The following MACROD2 variants were observed in gnomAD, a reference collection of about 807,000 sequenced individuals.
The protein encoded by MACROD2 is mono-ADP ribosylhydrolase 2.
MACROD2 carries 36 observed loss-of-function variants against 70.4 expected under a neutral mutation model. The ratio of observed to expected loss-of-function variants is 0.51; its 90% CI spans 0.39 to 0.68. The LOEUF (loss-of-function observed/expected upper bound fraction) is 0.68. Among genes scored for constraint, MACROD2 ranks in the 30% least tolerant of loss-of-function variants. MACROD2 has a pLI of 0.00. For missense variants in MACROD2, 496 were observed against 538.4 expected, an observed-to-expected ratio of 0.92 and a Z score of 0.78; for synonymous variants, 172 against 178.8, an observed-to-expected ratio of 0.96 and a Z score of 0.30.
chr20:14,842,742 G>C (rs1029845073), intron 5 of MACROD2, among the ~76,000 whole-genome samples: 1 of 151,930 alleles, frequency 6.6e-6, no homozygotes, highest in Non-Finnish European at 1.5e-5. Context: ...GTTTGGTTTT[G>C]GATTAATGTT....
intron 3 of MACROD2, among the ~76,000 whole-genome samples, chr20:14,316,933 C>A (rs6105246): frequency 6.6e-6 from 1 of 151,880 alleles, no homozygotes; most frequent in Non-Finnish European, 1.5e-5. Context: ...CTCTCCACCC[C>A]CTATCTTCCC....
intron 6 of MACROD2, among the ~76,000 whole-genome samples, chr20:15,384,558 A>G (rs2045686656): frequency 6.6e-6 from 1 of 152,114 alleles, no homozygotes; most frequent in African/African-American, 2.4e-5. Context: ...TATCGTGCAA[A>G]CCTTTACATA....
chr20:16,017,870 A>G (rs1342579684), intron 15 of MACROD2, among the ~76,000 whole-genome samples: 2 of 152,190 alleles, frequency 1.3e-5, no homozygotes, highest in Non-Finnish European at 2.9e-5. Context: ...GCATGCCCCC[A>G]TGACAGCACC....
chr20:15,851,317 A>G (rs1393234948), intron 8 of MACROD2, among the ~76,000 whole-genome samples: 1 of 151,906 alleles, frequency 6.6e-6, no homozygotes, highest in Non-Finnish European at 1.5e-5. Flanking sequence ...TCAGGCTGCC[A>G]TCATAAAGTA....
At chr20:14,465,446 G>A (rs1033253413) in intron 3 of MACROD2, among the ~76,000 whole-genome samples, 7 of 151,992 alleles carry the variant, frequency 4.6e-5, no homozygotes, top group African/African-American at 1.7e-4. Context: ...CATGAGATGG[G>A]TTTCCTGAAT....
At chr20:15,677,755 A>G (rs1454151017) in intron 8 of MACROD2, among the ~76,000 whole-genome samples, 3 of 152,026 alleles carry the variant, frequency 2.0e-5, no homozygotes, top group Non-Finnish European at 4.4e-5. Flanking sequence ...AAACTTTGAG[A>G]TTTTCGTTTT....
intron 5 of MACROD2, among the ~76,000 whole-genome samples, chr20:14,977,953 T>C (rs2074757258): frequency 6.6e-6 from 1 of 152,218 alleles, no homozygotes. Context: ...TCCTTTGTTT[T>C]ATTTGGAACA....
chr20:14,328,619 T>C (rs2122591199), intron 3 of MACROD2, among the ~76,000 whole-genome samples: 1 of 152,230 alleles, frequency 6.6e-6, no homozygotes, highest in Admixed American at 6.5e-5. Flanking sequence ...GGGGTGAATA[T>C]CCAATGCACA....
chr20:14,237,789 C>T (rs553174710), intron 3 of MACROD2, among the ~76,000 whole-genome samples: 9 of 147,494 alleles, frequency 6.1e-5, no homozygotes, highest in South Asian at 2.2e-4. Flanking sequence ...TGAGAACGTG[C>T]GGTGTTTGGT....
At chr20:15,197,738 C>T (rs960331677) in intron 5 of MACROD2, among the ~76,000 whole-genome samples, 1 of 152,038 alleles carries the variant, frequency 6.6e-6, no homozygotes, top group Admixed American at 6.6e-5. Flanking sequence ...TCTCTATTGC[C>T]CAGGCTGGAG....
chr20:14,058,117 G>C (rs1050521424), intron 2 of MACROD2, among the ~76,000 whole-genome samples: 6 of 152,050 alleles, frequency 3.9e-5, no homozygotes, highest in African/African-American at 1.4e-4. Flanking sequence ...TCCTTTTCTT[G>C]ACTTGGGTGG....
At chr20:14,757,818 C>T (rs1404458709) in intron 5 of MACROD2, 26 of 1,527,404 alleles carry the variant, frequency 1.7e-5, no homozygotes, top group Middle Eastern at 2.3e-4. Flanking sequence ...CATCTGCCCC[C>T]GGAGATTGTG....
At chr20:14,915,452 C>T (rs2074080002) in intron 5 of MACROD2, among the ~76,000 whole-genome samples, 1 of 152,196 alleles carries the variant, frequency 6.6e-6, no homozygotes, top group Admixed American at 6.5e-5. Context: ...GCATTAAGCT[C>T]AAGCTCAGCC....
intron 5 of MACROD2, among the ~76,000 whole-genome samples, chr20:14,743,919 G>A (rs1158582302): frequency 6.6e-6 from 1 of 152,098 alleles, no homozygotes; most frequent in Non-Finnish European, 1.5e-5. Flanking sequence ...AAGCTGATGG[G>A]ACCAGAGACT....
chr20:15,431,394 T>A lies in MACROD2; in HGVS notation c.541-11T>A, dbSNP rs1282126664. On this transcript the variant is annotated splice_polypyrimidine_tract_variant and intron_variant, in intron 6 of 17. Coordinates refer to ENST00000684519, the MANE Select transcript of MACROD2 (RefSeq NM_001351661.2). ...TTAATATTCATTGTTATTTTTGTGGTTTATTCACAGGCATTTCCCTGCATC... is the reference window on the plus strand; with the variant it reads ...TTAATATTCATTGTTATTTTTGTGGATTATTCACAGGCATTTCCCTGCATC... 15 of 1,609,068 alleles carry A rather than the reference T, an allele frequency of 9.3e-6. No homozygotes were observed. The highest frequency in any genetic ancestry group is 1.3e-5 in the Non-Finnish European group (15 of 1,176,162).
At chr20:15,783,686 A>G (rs569071006) in intron 8 of MACROD2, among the ~76,000 whole-genome samples, 27 of 152,298 alleles carry the variant, frequency 1.8e-4, no homozygotes, top group African/African-American at 6.5e-4. Context: ...AAATGTAACT[A>G]TTTTGGAAAA....
chr20:14,551,787 T>G (rs1212230037), intron 4 of MACROD2, among the ~76,000 whole-genome samples: 1 of 152,232 alleles, frequency 6.6e-6, no homozygotes, highest in Non-Finnish European at 1.5e-5. Flanking sequence ...ATTCTCTCAT[T>G]TAAATTTTAA....
rs188699322 is a variant in MACROD2 at position 14,370,956 on chromosome 20, T to C, written c.272-122523T>C. Among the ~76,000 whole-genome samples the C allele has an allele frequency of 2.0e-5, 3 of 152,286 alleles. No individual in the cohort carries two copies. The East Asian group carries it at 5.8e-4, about 29-fold the overall frequency. On this transcript the variant is annotated intron_variant, in intron 3 of 17. Transcript: ENST00000684519. ...ATTCATAGCAGTTAATTCAGTTATA[T>C]GTATTTTGAACTCAGTGGGAAATTG...
At chr20:14,603,453 A>G (rs1340941345) in intron 4 of MACROD2, among the ~76,000 whole-genome samples, 1 of 152,192 alleles carries the variant, frequency 6.6e-6, no homozygotes, top group Non-Finnish European at 1.5e-5. Flanking sequence ...GCAGAGGAAA[A>G]TCAGTGTATG....
Sources: gnomAD v4.1 joint callset for allele counts (sites outside exome capture counted in the v4.1 genomes callset) on GRCh38, gnomAD v4.1.1 for gene constraint, MANE v1.5 for transcripts, NCBI Gene and HGNC (gene_info 2026-07-23, HGNC 2026-07-21) for gene names.